The following GPAT3 variants were observed in gnomAD, a reference collection of about 807,000 sequenced individuals.
The protein encoded by GPAT3 is 1-AGP acyltransferase 9.
Under a neutral mutation model 58.8 loss-of-function variants are expected in GPAT3, and 53 were observed. The ratio of observed to expected loss-of-function variants is 0.90; its 90% confidence interval spans 0.72 to 1.13. GPAT3 has a LOEUF of 1.13. Among genes scored for constraint, GPAT3 ranks in the 50% most tolerant of loss-of-function variants. The pLI is 0.00. For missense variants in GPAT3, 511 were observed against 527.6 expected (o/e 0.97, Z 0.31); for synonymous variants, 197 against 187.4 (o/e 1.05, Z -0.42).
At chr4:83,569,834 C>A (rs762122272) in intron 2 of GPAT3, among the ~76,000 whole-genome samples, 11 of 150,178 alleles carry the variant, frequency 7.3e-5, no homozygotes, top group Non-Finnish European at 1.5e-4. Context: ...ATTCCTGCCT[C>A]AGTTAAAAAA....
chr4:83,556,140 T>C (rs1724931661), intron 2 of GPAT3, among the ~76,000 whole-genome samples: 1 of 152,202 alleles, frequency 6.6e-6, no homozygotes, highest in Admixed American at 6.5e-5. Context: ...AATGGTTCAT[T>C]TGACAGTGGA....
chr4:83,569,659 A>ACGGT (rs1013709741), intron 2 of GPAT3, among the ~76,000 whole-genome samples: 3 of 152,242 alleles, frequency 2.0e-5, no homozygotes, highest in Non-Finnish European at 4.4e-5. Flanking sequence ...AGAGGGCAGA[A>ACGGT]CGGTCTCCTT....
chr4:83,579,056 TTCTTTCTTTCTTTCTTTCTTTCTTC>T (rs879907039), intron 2 of GPAT3, among the ~76,000 whole-genome samples: 3,091 of 48,292 alleles, frequency 0.064, 342 homozygotes, highest in South Asian at 0.1. Context: ...CTTTCTTTCT[TTCTTTCTTTCTTTCTTTCTTTCTTC>T]CCTTCCTTCC....
intron 2 of GPAT3, among the ~76,000 whole-genome samples, chr4:83,562,215 A>ATATATAT (rs1725186047): frequency 3.7e-4 from 8 of 21,892 alleles, no homozygotes; most frequent in Admixed American, 1.3e-3. Flanking sequence ...TATATATTAT[A>ATATATAT]TATATATATA....
At chr4:83,557,971 G>T (rs1171534313) in intron 2 of GPAT3, among the ~76,000 whole-genome samples, 2 of 152,288 alleles carry the variant, frequency 1.3e-5, no homozygotes. Context: ...CCAGCACTTT[G>T]GGAGGCCGAG....
At chr4:83,578,933 CTTTCT>C (rs1371243703) in intron 2 of GPAT3, among the ~76,000 whole-genome samples, 1,700 of 7,870 alleles carry the variant, frequency 0.22, 160 homozygotes, top group African/African-American at 0.36. Flanking sequence ...TTCTTTCTTT[CTTTCT>C]TTTCTTTTCT....
chr4:83,545,589 T>C (rs572016913), intron 2 of GPAT3, among the ~76,000 whole-genome samples: 1 of 152,262 alleles, frequency 6.6e-6, no homozygotes, highest in South Asian at 2.1e-4. Flanking sequence ...AGTATTTTTG[T>C]ATAATTGGAT....
intron 2 of GPAT3, among the ~76,000 whole-genome samples, chr4:83,567,267 A>C (rs1298669330): frequency 6.6e-6 from 1 of 152,190 alleles, no homozygotes; most frequent in East Asian, 1.9e-4. Flanking sequence ...GGGTCTTCCC[A>C]ATAAAGATCA....
At chr4:83,576,613 T>C (rs1725830184) in intron 2 of GPAT3, among the ~76,000 whole-genome samples, 1 of 151,944 alleles carries the variant, frequency 6.6e-6, no homozygotes, top group Non-Finnish European at 1.5e-5. Context: ...CCAGCTAATT[T>C]TTTAAATTTT....
chr4:83,538,397 T>C (rs1578154545), intron 1 of GPAT3, among the ~76,000 whole-genome samples: 1 of 152,362 alleles, frequency 6.6e-6, no homozygotes, highest in East Asian at 1.9e-4. Flanking sequence ...GGTCACATTA[T>C]GCTGTGAATT....
At chr4:83,595,071 C>T in intron 7 of GPAT3, 111 bp downstream of exon 7, 2 of 873,980 alleles carry the variant, frequency 2.3e-6, no homozygotes, top group Non-Finnish European at 3.6e-6. Flanking sequence ...TGAAACAGAG[C>T]CCTGTTTGCT....
At chr4:83,555,086 G>T (rs890645023) in intron 2 of GPAT3, among the ~76,000 whole-genome samples, 3 of 152,172 alleles carry the variant, frequency 2.0e-5, no homozygotes, top group African/African-American at 7.2e-5. Flanking sequence ...TTACAGGTGT[G>T]AGCCACTGCG....
intron 2 of GPAT3, among the ~76,000 whole-genome samples, chr4:83,567,028 T>C (rs747062867): frequency 1.2e-4 from 18 of 152,196 alleles, no homozygotes; most frequent in Non-Finnish European, 2.6e-4. Flanking sequence ...CTGTATATGG[T>C]TTTTCAGGAA....
chr4:83,598,149 C>T lies in GPAT3; in HGVS notation c.1095C>T (p.Asp365=), dbSNP rs373583197. ...TGACCAGCTGGGCCATCGTCTGTGACGTGTGGTACATGCCCCCCATGACCA... is the reference window on the plus strand; with the variant it reads ...TGACCAGCTGGGCCATCGTCTGTGATGTGTGGTACATGCCCCCCATGACCA... ...RMMTSWAIVC[D]VWYMPPMTRE... Residue 365 remains aspartate, a synonymous_variant, in exon 10 of 12, where the codon GAC becomes GAT. Coordinates refer to ENST00000264409, the MANE Select transcript of GPAT3 (RefSeq NM_032717.5). 30 of 1,613,390 alleles carry T rather than the reference C, an allele frequency of 1.9e-5. No homozygotes were observed. The highest frequency in any genetic ancestry group is 1.6e-4 in the Middle Eastern group (1 of 6,078).
chr4:83,540,012 G>A (rs965192918), intron 1 of GPAT3, among the ~76,000 whole-genome samples: 14 of 152,180 alleles, frequency 9.2e-5, no homozygotes, highest in African/African-American at 3.4e-4. Flanking sequence ...ACAAAAATTA[G>A]CCAAGCATGG....
At chr4:83,547,540 C>G (rs1724589747) in intron 2 of GPAT3, among the ~76,000 whole-genome samples, 1 of 152,158 alleles carries the variant, frequency 6.6e-6, no homozygotes, top group South Asian at 2.1e-4. Flanking sequence ...GCGTGAGCTA[C>G]TGCGCCTGGC....
At chr4:83,547,534 G>A (rs1441563018) in intron 2 of GPAT3, among the ~76,000 whole-genome samples, 2 of 151,862 alleles carry the variant, frequency 1.3e-5, no homozygotes, top group Non-Finnish European at 2.9e-5. Flanking sequence ...TTACAGGCGT[G>A]AGCTACTGCG....
intron 2 of GPAT3, among the ~76,000 whole-genome samples, chr4:83,575,298 G>C (rs1365982319): frequency 6.6e-6 from 1 of 152,264 alleles, no homozygotes; most frequent in East Asian, 1.9e-4. Flanking sequence ...TTTCCTGTCA[G>C]AGCTTATATT....
chr4:83,575,879 A>G (rs1725794331), intron 2 of GPAT3, among the ~76,000 whole-genome samples: 1 of 152,152 alleles, frequency 6.6e-6, no homozygotes, highest in South Asian at 2.1e-4. Flanking sequence ...TGTACTTGCC[A>G]CCTCATTTAA....
Sources: allele counts gnomAD v4.1 joint callset (sites outside exome capture counted in the v4.1 genomes callset), GRCh38; gene constraint gnomAD v4.1.1; transcripts MANE v1.5; gene names NCBI Gene and HGNC (gene_info 2026-07-23, HGNC 2026-07-21).